Variants in HIVEP3 observed in about 807,000 individuals in gnomAD.
HIVEP3 encodes the protein transcription factor HIVEP3.
In HIVEP3, 49 loss-of-function variants were observed where a neutral mutation model predicts 152.8. The ratio of observed to expected loss-of-function variants is 0.32; its 90% confidence interval spans 0.26 to 0.41. The LOEUF is 0.41. Among genes scored for constraint, HIVEP3 ranks in the 10% least tolerant of loss-of-function variants. The pLI, the probability that HIVEP3 is intolerant of heterozygous loss-of-function variation, is 1.00. For missense variants in HIVEP3, 2,790 were observed against 3,103.3 expected (o/e 0.90, Z 2.40); for synonymous variants, 1,269 against 1,289.0 (o/e 0.98, Z 0.33).
At chr1:41,638,795 G>T (rs1401566053) in intron 2 of HIVEP3, among the ~76,000 whole-genome samples, 1 of 152,246 alleles carries the variant, frequency 6.6e-6, no homozygotes, top group African/African-American at 2.4e-5. Context: ...GCTGGTAGGG[G>T]CCGCATCCGG....
intron 3 of HIVEP3, among the ~76,000 whole-genome samples, chr1:41,601,446 T>C (rs1375470242): frequency 6.6e-6 from 1 of 152,164 alleles, no homozygotes; most frequent in Admixed American, 6.5e-5. Flanking sequence ...TTTTGTAGTT[T>C]CCAGTACACA....
At chr1:41,621,234 C>A (rs1461183960) in intron 3 of HIVEP3, among the ~76,000 whole-genome samples, 1 of 152,250 alleles carries the variant, frequency 6.6e-6, no homozygotes. Flanking sequence ...CCCCCTTCAG[C>A]CTCCTGGCCC....
At chr1:41,761,144 A>AGTCCTT (rs1156446669) in intron 1 of HIVEP3, among the ~76,000 whole-genome samples, 10 of 152,276 alleles carry the variant, frequency 6.6e-5, no homozygotes, top group Non-Finnish European at 7.3e-5. Flanking sequence ...AACCAAGAGC[A>AGTCCTT]GTCCTTGAGC....
chr1:41,822,710 T>C (rs960436962), intron 1 of HIVEP3, among the ~76,000 whole-genome samples: 2 of 152,174 alleles, frequency 1.3e-5, no homozygotes, highest in Non-Finnish European at 2.9e-5. Context: ...AGCTTTCCTA[T>C]ATTTGCTTTG....
chr1:41,584,829 G>T lies in HIVEP3; in HGVS notation c.-32C>A. On this transcript the variant is annotated 5_prime_UTR_variant, in exon 4 of 9. Coordinates refer to ENST00000372583, the MANE Select transcript of HIVEP3 (RefSeq NM_024503.5). This position sits in a 1 kb window ranked among gnomAD's most constrained non-coding sequence, Gnocchi z 5.2. ...CACAAAGACTTCAGATGCTATTCAGGGAGAGTCAGGGCGGGCTGCATTTAT... is the reference window on the plus strand; with the variant it reads ...CACAAAGACTTCAGATGCTATTCAGTGAGAGTCAGGGCGGGCTGCATTTAT... The T allele has an allele frequency of 4.1e-6, 6 of 1,469,238 alleles. No homozygotes were observed. The highest frequency in any genetic ancestry group is 5.4e-6 in the Non-Finnish European group (6 of 1,105,792). 91.0% of individuals were successfully genotyped at this position (1,469,238 alleles called of 1,614,324 possible). A position where few individuals can be genotyped will look rare whatever the true frequency, so the allele number is the denominator to read the frequency against.
intron 1 of HIVEP3, among the ~76,000 whole-genome samples, chr1:41,887,882 GA>G (rs1031431730): frequency 2.0e-5 from 3 of 152,088 alleles, no homozygotes; most frequent in African/African-American, 7.2e-5. Context: ...TAATAAAAAT[GA>G]AATGAAATAA....
intron 5 of HIVEP3, among the ~76,000 whole-genome samples, chr1:41,566,747 A>G (rs1331342963): frequency 1.3e-5 from 2 of 151,922 alleles, no homozygotes; most frequent in East Asian, 1.9e-4. Flanking sequence ...CTCCTTGAAC[A>G]TTCTCTTCTC....
intron 1 of HIVEP3, among the ~76,000 whole-genome samples, chr1:41,713,029 C>G (rs1436065628): frequency 6.6e-6 from 1 of 152,200 alleles, no homozygotes; most frequent in Non-Finnish European, 1.5e-5. Flanking sequence ...AGATGTGTGA[C>G]CTTGACAAGT....
chr1:41,705,726 A>C (rs567777309), intron 1 of HIVEP3, among the ~76,000 whole-genome samples: 1 of 152,356 alleles, frequency 6.6e-6, no homozygotes, highest in East Asian at 1.9e-4. Flanking sequence ...CAGAGCGTGC[A>C]TCAAGAACTT....
At chr1:41,875,305 G>A (rs1488786120) in intron 1 of HIVEP3, among the ~76,000 whole-genome samples, 1 of 152,162 alleles carries the variant, frequency 6.6e-6, no homozygotes, top group Non-Finnish European at 1.5e-5. Context: ...AGTGCTGTTT[G>A]CTAGGATACA....
intron 1 of HIVEP3, among the ~76,000 whole-genome samples, chr1:41,775,834 T>C (rs1648673940): frequency 1.3e-5 from 2 of 152,140 alleles, no homozygotes. Context: ...CATGATTTCA[T>C]GGATTCACTG....
At chr1:41,904,076 TA>T (rs1644671116) in intron 1 of HIVEP3, among the ~76,000 whole-genome samples, 1 of 151,994 alleles carries the variant, frequency 6.6e-6, no homozygotes, top group African/African-American at 2.4e-5. Flanking sequence ...TTTACATTTT[TA>T]GTAGAGATGG....
intron 2 of HIVEP3, among the ~76,000 whole-genome samples, chr1:41,655,877 C>T (rs1206200792): frequency 6.6e-6 from 1 of 152,104 alleles, no homozygotes; most frequent in East Asian, 1.9e-4. Flanking sequence ...AAATGAATGA[C>T]TATATGCTTG....
At chr1:41,697,122 T>G (rs139161953) in intron 2 of HIVEP3, among the ~76,000 whole-genome samples, 1 of 152,320 alleles carries the variant, frequency 6.6e-6, no homozygotes, top group Non-Finnish European at 1.5e-5. Flanking sequence ...AGGCTGCTGT[T>G]GCACTGGAGT....
Position 41,966,475 on chromosome 1 carries a change from C to CTTTTTTTT in HIVEP3, n.120-47959_120-47952dup, listed in dbSNP as rs58470482. Among the ~76,000 whole-genome samples the CTTTTTTTT allele has an allele frequency of 6.3e-5, 6 of 95,810 alleles. 1 individual carries two copies. Among genetic ancestry groups the CTTTTTTTT allele is most frequent in the East Asian group, 8.4e-4 (2 of 2,368 alleles). 62.9% of individuals were successfully genotyped at this position (95,810 alleles called of 152,430 possible). A position where few individuals can be genotyped will look rare whatever the true frequency, so the allele number is the denominator to read the frequency against. ...TCAAGACCCATCAGTGTGCTGTATT[C>CTTTTTTTT]TTTTTTTTTTTTTTTTGAGATGGAG... On this transcript the variant is annotated intron_variant and non_coding_transcript_variant, in intron 1 of 3. Transcript: ENST00000489103.
At position 41,963,434 on chromosome 1, in the gene HIVEP3, A is replaced by G. The variant is rs575210373; in HGVS notation, n.120-44910T>C. On this transcript the variant is annotated intron_variant and non_coding_transcript_variant, in intron 1 of 3. Coordinates refer to the HIVEP3 transcript ENST00000489103. ...CATCCATGTCCTTACAAAGGACATG[A>G]ACTCATCATTTTTCATAGGTGGGAA... Among the ~76,000 whole-genome samples, 197 of 151,974 alleles carry G rather than the reference A, an allele frequency of 1.3e-3. 1 individual carries two copies. The highest frequency in any genetic ancestry group is 2.5e-3 in the Non-Finnish European group (168 of 67,972).
chr1:41,752,448 G>A (rs2124226567), intron 1 of HIVEP3, among the ~76,000 whole-genome samples: 1 of 152,314 alleles, frequency 6.6e-6, no homozygotes, highest in East Asian at 1.9e-4. Flanking sequence ...GGCTCTGACT[G>A]TGATGTGGTC....
intron 1 of HIVEP3, among the ~76,000 whole-genome samples, chr1:41,898,698 C>A (rs1644573488): frequency 6.6e-6 from 1 of 152,200 alleles, no homozygotes; most frequent in Non-Finnish European, 1.5e-5. Flanking sequence ...ACAGAGTCAT[C>A]CTCTGTCTGA....
intron 1 of HIVEP3, among the ~76,000 whole-genome samples, chr1:41,772,231 G>A (rs1648420410): frequency 6.6e-6 from 1 of 152,180 alleles, no homozygotes; most frequent in Non-Finnish European, 1.5e-5. Flanking sequence ...GCCACATTCA[G>A]TCCCATTTGC....
Sources: gnomAD v4.1 joint callset for allele counts (sites outside exome capture counted in the v4.1 genomes callset) on GRCh38, gnomAD v4.1.1 for gene constraint, Gnocchi (gnomAD v3.1) non-coding constraint, MANE v1.5 for transcripts, NCBI Gene and HGNC (gene_info 2026-07-23, HGNC 2026-07-21) for gene names.